PRAMEF12: variants seen among roughly 807,000 people sequenced by gnomAD.
The protein encoded by PRAMEF12 is PRAME family member 12.
Under a neutral mutation model 24.6 loss-of-function variants are expected in PRAMEF12, and 24 were observed. The ratio of observed to expected loss-of-function variants is 0.98; its 90% CI spans 0.71 to 1.37. The LOEUF (loss-of-function observed/expected upper bound fraction) is 1.37, where lower values mean the gene tolerates loss of function less well. Ranked by LOEUF, PRAMEF12 falls within the 40% of genes most tolerant of loss-of-function variation. The pLI, the probability that PRAMEF12 is intolerant of heterozygous loss-of-function variation, is 0.00. For missense variants in PRAMEF12, 646 were observed against 580.3 expected (o/e 1.11, Z -1.16); for synonymous variants, 286 against 242.6 (o/e 1.18, Z -1.66).
chr1:12,777,013 G>A lies in PRAMEF12; in HGVS notation c.866G>A (p.Cys289Tyr). Residue 289 changes from cysteine to tyrosine, a missense_variant and splice_region_variant, in exon 3 of 3, where the codon TGT (cysteine) becomes TAT (tyrosine). Physicochemically the swap from Cys to Tyr is radical, Grantham distance 194. Transcript: ENST00000357726. ...AACTCCTTCTTGTTCTCTCCCAGGT[G>A]TCTCCAGGCCCCCTTGGAGACAGTC... ...LEGHLDQLLRCLQAPLETVVM... is the reference protein window; with the variant it reads ...LEGHLDQLLRYLQAPLETVVM... 2 of 1,610,194 alleles carry A rather than the reference G, an allele frequency of 1.2e-6. No homozygotes were observed. The highest frequency in any genetic ancestry group is 1.1e-5 in the South Asian group (1 of 90,468).
At chr1:12,775,445 G>A in intron 1 of PRAMEF12, 98 bp from the exon 2 acceptor site, 1 of 1,188,738 alleles carries the variant, frequency 8.4e-7, no homozygotes, top group Non-Finnish European at 1.2e-6. Flanking sequence ...GACAGAGAGT[G>A]GGAGAAGCAG....
intron 1 of PRAMEF12, 150 bp downstream of exon 1, chr1:12,775,304 T>A (rs550143065): frequency 1.9e-6 from 2 of 1,036,938 alleles, no homozygotes; most frequent in Non-Finnish European, 2.8e-6. Context: ...ATTGTCCAGC[T>A]CCTCTGGGAA....
chr1:12,775,491 A>G, intron 1 of PRAMEF12, 52 bp from the exon 2 acceptor site: 1 of 1,509,494 alleles, frequency 6.6e-7, no homozygotes, highest in Non-Finnish European at 9.0e-7. Flanking sequence ...GGATGTGGAT[A>G]AAAGCTCAAA....
intron 2 of PRAMEF12, 146 bp downstream of exon 2, chr1:12,776,264 G>T: frequency 2.3e-6 from 2 of 864,952 alleles, no homozygotes; most frequent in Admixed American, 2.3e-5. Flanking sequence ...TGTCCTGTTG[G>T]CAGCTCTGTC....
chr1:12,776,933 T>A, intron 2 of PRAMEF12, 78 bp from the exon 3 acceptor site: 1 of 1,418,736 alleles, frequency 7.0e-7, no homozygotes, highest in South Asian at 1.3e-5. Context: ...AGAACAGCCT[T>A]GGGTTGTGAA....
chr1:12,774,035 C>G lies in PRAMEF12; in HGVS notation c.-833C>G, dbSNP rs1639013472. 2.0e-5 allele frequency among the ~76,000 whole-genome samples: 3 copies of G among 150,440 alleles called. No individual in the cohort carries two copies. The highest frequency in any genetic ancestry group is 7.5e-5 in the African/African-American group (3 of 39,826). On this transcript the variant is annotated 5_prime_UTR_variant, in exon 1 of 3. Transcript: ENST00000357726. The stretch of plus-strand genomic sequence containing the variant: ...TGTCATTTCAAAATTCTTATTGAAG[C>G]AGTTTTTTTTTTAACAAGAGATATT...
In PRAMEF12 at chr1:12,776,424, G is replaced by A. The variant is rs545957322; in HGVS notation, c.863+306G>A. Among the ~76,000 whole-genome samples the A allele has an allele frequency of 8.5e-5, 13 of 152,246 alleles. 1 individual carries two copies. In the South Asian group the frequency reaches 2.5e-3, roughly 29 times the overall value. On this transcript the variant is annotated intron_variant, in intron 2 of 2. Transcript: ENST00000357726. The stretch of plus-strand genomic sequence containing the variant: ...ATTCCTCCCGAGGATGTGTGTCTAA[G>A]TTAAGACGATGGGAAATGGGGAGTT...
Position 12,775,946 on chromosome 1 carries a change from A to T in PRAMEF12, c.691A>T (p.Asn231Tyr). Residue 231 changes from asparagine to tyrosine, a missense_variant, in exon 2 of 3, where the codon AAT becomes TAT. By Grantham distance (143) the Asn-to-Tyr change is moderately radical. Coordinates refer to ENST00000357726, the MANE Select transcript of PRAMEF12 (RefSeq NM_001080830.5). The part of the protein sequence containing the change: ...RFAPYLGQMR[N>Y]LRKLVLFNIH... Reference sequence around the variant, plus strand: ...CGCCCCTTACCTGGGCCAGATGAGGAATCTCCGCAAACTTGTTCTCTTCAA... The same window carrying T: ...CGCCCCTTACCTGGGCCAGATGAGGTATCTCCGCAAACTTGTTCTCTTCAA... The T allele has an allele frequency of 3.1e-6, 5 of 1,614,014 alleles. No individual in the cohort carries two copies. The highest frequency in any genetic ancestry group is 3.4e-6 in the Non-Finnish European group (4 of 1,180,008).
chr1:12,776,013 A>G lies in PRAMEF12; in HGVS notation c.758A>G (p.Gln253Arg), dbSNP rs1240273805. ...TGCATTCCCCTAGACAGGAAGGAGC[A>G]GTTTGTCATCCAGTTCACCTCTCAG... ...SACIPLDRKE[Q>R]FVIQFTSQFL... is the part of the protein sequence containing the mutation. Residue 253 changes from glutamine to arginine, a missense_variant, in exon 2 of 3, where the codon CAG (glutamine) becomes CGG (arginine). Transcript: ENST00000357726. The G allele has an allele frequency of 1.8e-5, 29 of 1,614,190 alleles. No individual in the cohort carries two copies. The highest frequency in any genetic ancestry group is 2.3e-5 in the Non-Finnish European group (27 of 1,180,022).
chr1:12,775,258 A>G, intron 1 of PRAMEF12, 104 bp downstream of exon 1: 1 of 1,319,520 alleles, frequency 7.6e-7, no homozygotes, highest in Non-Finnish European at 1.0e-6. Context: ...GAGACTTCTG[A>G]TGGGGCTGGG....
At chr1:12,775,385 C>G (rs927288506) in intron 1 of PRAMEF12, among the ~76,000 whole-genome samples, 158 bp from the exon 2 acceptor site, 1 of 152,098 alleles carries the variant, frequency 6.6e-6, no homozygotes, top group Non-Finnish European at 1.5e-5. Context: ...ATTGAAGACA[C>G]TAGCAGTGGG....
Position 12,776,031 on chromosome 1 carries a change from C to T in PRAMEF12, c.776C>T (p.Thr259Ile), listed in dbSNP as rs776776097. The T allele has an allele frequency of 1.0e-4, 162 of 1,614,066 alleles. No homozygotes were observed. The highest frequency in any genetic ancestry group is 1.3e-4 in the Non-Finnish European group (154 of 1,180,034). Residue 259 changes from threonine (T) to isoleucine (I), a missense_variant, in exon 2 of 3, where the codon ACC becomes ATC. Coordinates refer to ENST00000357726, the MANE Select transcript of PRAMEF12 (RefSeq NM_001080830.5). ...DRKEQFVIQF[T>I]SQFLKLDYFQ... ...AAGGAGCAGTTTGTCATCCAGTTCA[C>T]CTCTCAGTTCCTCAAGCTGGACTAC...
At position 12,775,020 on chromosome 1, in the gene PRAMEF12, C is replaced by G. The variant is rs912009742; in HGVS notation, c.153C>G (p.Thr51=). 5 of 1,613,974 alleles carry G rather than the reference C, an allele frequency of 3.1e-6. No individual in the cohort carries two copies. Among genetic ancestry groups the G allele is most frequent in the Non-Finnish European group, 4.2e-6 (5 of 1,180,016 alleles). Residue 51 remains threonine (T), a synonymous_variant, in exon 1 of 3, where the codon ACC becomes ACG. Coordinates refer to ENST00000357726, the MANE Select transcript of PRAMEF12 (RefSeq NM_001080830.5). ...CCTTTACCAGGAGATGCTGCGAGACCCTGACAACTATGGTGCAGGCCTGGC... is the reference window on the plus strand; with the variant it reads ...CCTTTACCAGGAGATGCTGCGAGACGCTGACAACTATGGTGCAGGCCTGGC... ...MEAFTRRCCE[T]LTTMVQAWPF...
Position 12,777,679 on chromosome 1 carries a change from T to C in PRAMEF12, c.*80T>C. The C allele has an allele frequency of 1.3e-6, 2 of 1,502,414 alleles. No homozygotes were observed. Among genetic ancestry groups the C allele is most frequent in the Non-Finnish European group, 1.8e-6 (2 of 1,097,476 alleles). The allele number at this position is 1,502,414 out of a possible 1,614,324, so 93.1% of individuals were successfully genotyped here. On this transcript the variant is annotated 3_prime_UTR_variant, in exon 3 of 3. Coordinates refer to ENST00000357726, the MANE Select transcript of PRAMEF12 (RefSeq NM_001080830.5). ...GGGAGCACAGACCCATCGTTTCATA[T>C]GCCTGCTCAATGTGAACCGGAAAGG... is the stretch of plus-strand genomic sequence containing the variant.
At position 12,775,713 on chromosome 1, in the gene PRAMEF12, T is replaced by G. The variant is rs1639039678; in HGVS notation, c.458T>G (p.Phe153Cys). The G allele has an allele frequency of 1.9e-6, 3 of 1,613,744 alleles. No individual in the cohort carries two copies. The highest frequency in any genetic ancestry group is 2.5e-6 in the Non-Finnish European group (3 of 1,179,968). Residue 153 changes from phenylalanine to cysteine, a missense_variant, in exon 2 of 3, where the codon TTC (phenylalanine) becomes TGC (cysteine). Physicochemically the swap from Phe to Cys is radical, Grantham distance 205 (BLOSUM62 -2). Transcript: ENST00000357726. The part of the protein sequence containing the change: ...QPLMVILDLC[F>C]KNGTLDECLT... The stretch of plus-strand genomic sequence containing the variant: ...TTGATGGTGATCCTAGACCTTTGCT[T>G]CAAGAATGGGACGCTGGATGAATGC...
At chr1:12,776,970 TC>T (rs751268433) in intron 2 of PRAMEF12, 40 bp from the exon 3 acceptor site, 20 of 1,562,944 alleles carry the variant, frequency 1.3e-5, no homozygotes, top group South Asian at 4.9e-5. Flanking sequence ...CTTGAGGTCT[TC>T]CCCACCACTC....
Position 12,775,763 on chromosome 1 carries a change from A to G in PRAMEF12, c.508A>G (p.Lys170Glu), listed in dbSNP as rs1569700555. ...ECLTHFLEWG[K>E]QRKGLLHVCC... is the part of the protein sequence containing the mutation. Reference sequence around the variant, plus strand: ...CCTCACCCACTTCTTAGAGTGGGGCAAGCAGAGAAAAGGCTTACTGCACGT... The same window carrying G: ...CCTCACCCACTTCTTAGAGTGGGGCGAGCAGAGAAAAGGCTTACTGCACGT... The change falls in exon 2 of 3, where the codon AAG becomes GAG. Residue 170 changes from lysine to glutamate, a missense_variant. By Grantham distance (56) the Lys-to-Glu change is moderately conservative. Transcript: ENST00000357726. 6.2e-7 allele frequency: 1 copy of G among 1,613,782 alleles called. No individual in the cohort carries two copies. The highest frequency in any genetic ancestry group is 2.2e-5 in the East Asian group (1 of 44,794).
chr1:12,775,605 C>T lies in PRAMEF12; in HGVS notation c.350C>T (p.Ser117Phe). ...GATGAGAACTTCTGGGGCATATGGT[C>T]TGGAGCTTCTGCACTCTCCCCAGAG... ...NVDENFWGIW[S>F]GASALSPEAL... The change falls in exon 2 of 3, where the codon TCT becomes TTT. Residue 117 changes from serine to phenylalanine, a missense_variant. Transcript: ENST00000357726. 6.2e-7 allele frequency: 1 copy of T among 1,613,996 alleles called. No individual in the cohort carries two copies. Among genetic ancestry groups the T allele is most frequent in the Non-Finnish European group, 8.5e-7 (1 of 1,180,006 alleles).
rs748174465 is a variant in PRAMEF12 at position 12,776,005 on chromosome 1, G to A, written c.750G>A (p.Arg250=). 122 of 1,614,022 alleles carry A rather than the reference G, an allele frequency of 7.6e-5. No individual in the cohort carries two copies. The highest frequency in any genetic ancestry group is 2.5e-4 in the Admixed American group (15 of 60,004). Residue 250 remains arginine (R), a synonymous_variant, in exon 2 of 3, where the codon AGG becomes AGA. Transcript: ENST00000357726. ...IHVSACIPLD[R]KEQFVIQFTS... Reference sequence around the variant, plus strand: ...TCTCTGCCTGCATTCCCCTAGACAGGAAGGAGCAGTTTGTCATCCAGTTCA... The same window carrying A: ...TCTCTGCCTGCATTCCCCTAGACAGAAAGGAGCAGTTTGTCATCCAGTTCA...
Sources: gnomAD v4.1 joint callset for allele counts (sites outside exome capture counted in the v4.1 genomes callset) on GRCh38, gnomAD v4.1.1 for gene constraint, MANE v1.5 for transcripts, NCBI Gene and HGNC (gene_info 2026-07-23, HGNC 2026-07-21) for gene names.